CEP164: variants seen among roughly 807,000 people sequenced by gnomAD.
CEP164 encodes the protein centrosomal protein of 164 kDa.
Under a neutral mutation model 182.7 loss-of-function variants are expected in CEP164, and 162 were observed. The ratio of observed to expected loss-of-function variants is 0.89; its 90% CI spans 0.78 to 1.01. The LOEUF is 1.01. Among genes scored for constraint, CEP164 ranks in the 50% least tolerant of loss-of-function variants. The pLI is 0.00. For synonymous variants in CEP164, 661 were observed against 690.0 expected, an observed-to-expected ratio of 0.96 and a Z score of 0.66; for missense variants, 1,735 against 1,790.4, an observed-to-expected ratio of 0.97 and a Z score of 0.56.
chr11:117,396,008 C>G (rs754458514), intron 24 of CEP164, 46 bp from the exon 25 acceptor site: 3 of 1,611,760 alleles, frequency 1.9e-6, no homozygotes, highest in Non-Finnish European at 8.5e-7. Context: ...CCCTCCCCCC[C>G]ATCGCCAGCC....
intron 5 of CEP164, among the ~76,000 whole-genome samples, chr11:117,360,750 G>A (rs1235588666): frequency 6.6e-6 from 1 of 152,120 alleles, no homozygotes; most frequent in East Asian, 1.9e-4. Flanking sequence ...AGAAAGTATA[G>A]CACTTCACTG....
chr11:117,363,759 CTTTTTTTTTT>C (rs72255760), intron 8 of CEP164, among the ~76,000 whole-genome samples: 6 of 58,440 alleles, frequency 1.0e-4, no homozygotes, highest in African/African-American at 3.0e-4. Flanking sequence ...ACCTCCAATG[CTTTTTTTTTT>C]TTTTTTTTTT....
intron 5 of CEP164, chr11:117,355,361 A>G: frequency 1.6e-6 from 2 of 1,289,844 alleles, no homozygotes; most frequent in Non-Finnish European, 2.0e-6. Context: ...AGCCCCTCAG[A>G]ACACTGGGCT....
chr11:117,335,846 T>C (rs1047350855), intron 2 of CEP164, among the ~76,000 whole-genome samples, 166 bp downstream of exon 2: 1 of 152,144 alleles, frequency 6.6e-6, no homozygotes, highest in Non-Finnish European at 1.5e-5. Context: ...CTAATCATAA[T>C]TAAATTTCCA....
chr11:117,358,148 G>C (rs1461470237), intron 5 of CEP164, among the ~76,000 whole-genome samples: 1 of 152,178 alleles, frequency 6.6e-6, no homozygotes, highest in Non-Finnish European at 1.5e-5. Flanking sequence ...ATAAGCTGCA[G>C]ATTATCCTGA....
At chr11:117,323,191 G>A (rs113139589), upstream of CEP164, among the ~76,000 whole-genome samples, 1,001 of 152,116 alleles carry the variant, frequency 6.6e-3, 15 homozygotes, top group African/African-American at 0.022. Flanking sequence ...ATGAGCCACC[G>A]TGCCCAGCCT....
At chr11:117,367,795 C>G (rs1232275643) in intron 8 of CEP164, among the ~76,000 whole-genome samples, 1 of 152,186 alleles carries the variant, frequency 6.6e-6, no homozygotes, top group Non-Finnish European at 1.5e-5. Flanking sequence ...TTTTCCTGAT[C>G]CTCTCAAAGA....
At chr11:117,363,037 C>T (rs1472459933) in intron 7 of CEP164, among the ~76,000 whole-genome samples, 2 of 152,154 alleles carry the variant, frequency 1.3e-5, no homozygotes, top group African/African-American at 4.8e-5. Flanking sequence ...TATGGATATG[C>T]CACATTTTGT....
chr11:117,371,792 G>A (rs1035975273), intron 9 of CEP164, among the ~76,000 whole-genome samples: 3 of 101,504 alleles, frequency 3.0e-5, no homozygotes, highest in Non-Finnish European at 6.0e-5. Flanking sequence ...CCTCCCTCTT[G>A]TACTTTTTTT....
At chr11:117,354,096 A>C (rs2040015554) in intron 5 of CEP164, among the ~76,000 whole-genome samples, 1 of 150,912 alleles carries the variant, frequency 6.6e-6, no homozygotes, top group African/African-American at 2.4e-5. Context: ...GGATCACTGC[A>C]ACCTCCGCCC....
chr11:117,390,670 T>G, intron 15 of CEP164, 107 bp from the exon 16 acceptor site: 1 of 1,418,736 alleles, frequency 7.0e-7, no homozygotes, highest in Non-Finnish European at 9.6e-7. Flanking sequence ...TTTAGGAAGT[T>G]TCTTAGGCAG....
chr11:117,335,959 A>G (rs970902023), intron 2 of CEP164, among the ~76,000 whole-genome samples: 1 of 151,868 alleles, frequency 6.6e-6, no homozygotes, highest in African/African-American at 2.4e-5. Context: ...CTTCAAAAAA[A>G]TAGCTCCCCT....
At chr11:117,372,603 G>A (rs1380039814) in intron 9 of CEP164, among the ~76,000 whole-genome samples, 1 of 151,786 alleles carries the variant, frequency 6.6e-6, no homozygotes, top group Non-Finnish European at 1.5e-5. Context: ...TTTTAGTAGA[G>A]ACGGGGTTTC....
intron 14 of CEP164, chr11:117,385,670 T>A (rs1213482377): frequency 6.6e-6 from 1 of 152,268 alleles, no homozygotes; most frequent in Non-Finnish European, 1.5e-5. Flanking sequence ...GGGGGAAGCC[T>A]CTTTCTGAGG....
At position 117,377,201 on chromosome 11, in the gene CEP164, G is replaced by T. The variant is rs576135904; in HGVS notation, c.1317+1410G>T. ...AGACAGTTTTTCCAGATGGGGCCAG[G>T]GGTGGGGGCATTAGATTCTCATGAG... On this transcript the variant is annotated intron_variant, in intron 11 of 32. Coordinates refer to ENST00000278935, the MANE Select transcript of CEP164 (RefSeq NM_014956.5). 2.6e-5 allele frequency among the ~76,000 whole-genome samples: 4 copies of T among 152,208 alleles called. No individual in the cohort carries two copies. The South Asian group carries it at 8.3e-4, about 32-fold the overall frequency.
At chr11:117,398,420 C>T (rs527322388) in intron 27 of CEP164, among the ~76,000 whole-genome samples, 142 of 152,302 alleles carry the variant, frequency 9.3e-4, no homozygotes, top group Admixed American at 3.3e-3. Context: ...GTCTGGAGGA[C>T]GGTGGCCCTC....
chr11:117,352,281 T>G (rs2039739316), intron 5 of CEP164, among the ~76,000 whole-genome samples: 1 of 152,074 alleles, frequency 6.6e-6, no homozygotes, highest in South Asian at 2.1e-4. Context: ...TTTTTTGCAG[T>G]AGTAGTAGCA....
chr11:117,332,436 C>T (rs1394012278), intron 1 of CEP164, among the ~76,000 whole-genome samples: 6 of 151,988 alleles, frequency 3.9e-5, no homozygotes, highest in Non-Finnish European at 5.9e-5. Context: ...ATTAGCCAGG[C>T]GTGGTGGCAC....
intron 3 of CEP164, among the ~76,000 whole-genome samples, chr11:117,342,342 A>G (rs770347585): frequency 6.6e-6 from 1 of 152,220 alleles, no homozygotes; most frequent in African/African-American, 2.4e-5. Context: ...GAGATGGCTC[A>G]TTGGTGATGC....
Sources: allele counts gnomAD v4.1 joint callset (sites outside exome capture counted in the v4.1 genomes callset), GRCh38; gene constraint gnomAD v4.1.1; transcripts MANE v1.5; gene names NCBI Gene and HGNC (gene_info 2026-07-23, HGNC 2026-07-21).